Variants in SLC7A1 observed in about 807,000 individuals in gnomAD.
SLC7A1 encodes the protein solute carrier family 7 member 1, also known as high affinity cationic amino acid transporter 1.
Under a neutral mutation model 53.9 loss-of-function variants are expected in SLC7A1, and 10 were observed. That is an observed-to-expected ratio of 0.19 (90% CI 0.11 to 0.31). The LOEUF is 0.31. Ranked by LOEUF, SLC7A1 falls within the 10% of genes least tolerant of loss-of-function variation. SLC7A1 has a pLI of 1.00. For missense variants in SLC7A1, 525 were observed against 827.2 expected (o/e 0.63, Z 4.48); for synonymous variants, 342 against 338.7 (o/e 1.01, Z -0.11).
intron 8 of SLC7A1, among the ~76,000 whole-genome samples, chr13:29,521,231 T>C (rs1416307667): frequency 1.3e-5 from 2 of 152,214 alleles, no homozygotes; most frequent in African/African-American, 2.4e-5. Context: ...TATTATACAA[T>C]ATTAATCCAC....
chr13:29,577,853 C>T (rs1871472420), intron 1 of SLC7A1, among the ~76,000 whole-genome samples: 1 of 152,218 alleles, frequency 6.6e-6, no homozygotes, highest in Non-Finnish European at 1.5e-5. Context: ...TCACCCCAAG[C>T]ACCGCTAGCC....
intron 2 of SLC7A1, among the ~76,000 whole-genome samples, chr13:29,551,001 T>A (rs759391971): frequency 6.6e-6 from 1 of 152,226 alleles, no homozygotes; most frequent in African/African-American, 2.4e-5. Flanking sequence ...AGCTATTTCA[T>A]CTTAATGGAG....
intron 1 of SLC7A1, among the ~76,000 whole-genome samples, chr13:29,563,844 G>C (rs1870862124): frequency 6.6e-6 from 1 of 152,200 alleles, no homozygotes; most frequent in South Asian, 2.1e-4. Flanking sequence ...TTATTAAAAA[G>C]TCCTCCTGTC....
chr13:29,538,639 G>C (rs1425062507), intron 2 of SLC7A1, among the ~76,000 whole-genome samples: 1 of 152,244 alleles, frequency 6.6e-6, no homozygotes, highest in Non-Finnish European at 1.5e-5. Flanking sequence ...TCCTGGAAAT[G>C]CCTTTTTCTT....
intron 11 of SLC7A1, 133 bp downstream of exon 11, chr13:29,517,011 C>T: frequency 1.3e-6 from 1 of 778,154 alleles, no homozygotes; most frequent in Non-Finnish European, 2.0e-6. Flanking sequence ...CCTGCCCCAT[C>T]TTACCTGAAG....
At chr13:29,535,740 G>C in intron 3 of SLC7A1, 79 bp downstream of exon 3, 1 of 1,455,116 alleles carries the variant, frequency 6.9e-7, no homozygotes, top group South Asian at 1.3e-5. Context: ...CCTCCCTGTG[G>C]GGCATCCACC....
chr13:29,523,844 C>T (rs748445466), intron 6 of SLC7A1, among the ~76,000 whole-genome samples: 17 of 152,192 alleles, frequency 1.1e-4, no homozygotes, highest in Non-Finnish European at 2.2e-4. Context: ...TCACTCCTCC[C>T]GGAAGACGCT....
intron 2 of SLC7A1, among the ~76,000 whole-genome samples, chr13:29,553,352 C>A (rs972091829): frequency 1.3e-5 from 2 of 152,150 alleles, no homozygotes; most frequent in African/African-American, 2.4e-5. Flanking sequence ...AGCTGGGTGG[C>A]ACACAGAGCA....
At chr13:29,542,056 A>C (rs1350934707) in intron 2 of SLC7A1, among the ~76,000 whole-genome samples, 1 of 152,264 alleles carries the variant, frequency 6.6e-6, no homozygotes, top group Non-Finnish European at 1.5e-5. Context: ...CATAAAAAAA[A>C]ACACATACAA....
intron 1 of SLC7A1, among the ~76,000 whole-genome samples, chr13:29,593,014 C>T (rs1872171936): frequency 6.6e-6 from 1 of 152,168 alleles, no homozygotes; most frequent in Admixed American, 6.5e-5. Context: ...GCGAGAGGAG[C>T]CAGTAAAGCT....
chr13:29,514,358 G>A lies in SLC7A1; in HGVS notation c.*122C>T. On this transcript the variant is annotated 3_prime_UTR_variant, in exon 13 of 13. Transcript: ENST00000380752. ...TGCAGGTCAAGTAATTGCACCTTTG[G>A]CTGCAGTGAGGGTGTGGACGCAGGT... The A allele has an allele frequency of 1.5e-6, 1 of 670,208 alleles. No homozygotes were observed. The highest frequency in any genetic ancestry group is 2.6e-6 in the Non-Finnish European group (1 of 384,120). The allele number at this position is 670,208 out of a possible 1,614,324, so 41.5% of individuals were successfully genotyped here.
At chr13:29,526,391 G>A (rs558640135) in intron 5 of SLC7A1, among the ~76,000 whole-genome samples, 1 of 152,096 alleles carries the variant, frequency 6.6e-6, no homozygotes, top group Admixed American at 6.5e-5. Flanking sequence ...AGGATTGCTC[G>A]AGCCCAGGAG....
chr13:29,512,141 A>G lies in SLC7A1; in HGVS notation c.*2339T>C, dbSNP rs1883412221. ...GCACAAAAACACTACTCATAAAAGC[A>G]CGGTGACCAGTGAACTATTATGCAA... On this transcript the variant is annotated 3_prime_UTR_variant, in exon 13 of 13. Coordinates refer to ENST00000380752, the MANE Select transcript of SLC7A1 (RefSeq NM_003045.5). 1 of 152,214 alleles carries G rather than the reference A, an allele frequency of 6.6e-6. No homozygotes were observed. 9.4% of individuals were successfully genotyped at this position (152,214 alleles called of 1,614,324 possible). A position where few individuals can be genotyped will look rare whatever the true frequency, so the allele number is the denominator to read the frequency against.
intron 8 of SLC7A1, among the ~76,000 whole-genome samples, chr13:29,520,720 C>T (rs1868598522): frequency 6.6e-6 from 1 of 152,148 alleles, no homozygotes; most frequent in South Asian, 2.1e-4. Flanking sequence ...CTCTCAAGCC[C>T]CTCTAGATCA....
chr13:29,518,504 T>C (rs1040852558), intron 9 of SLC7A1, among the ~76,000 whole-genome samples: 4 of 152,178 alleles, frequency 2.6e-5, no homozygotes, highest in Admixed American at 1.3e-4. Flanking sequence ...AGAGGGAGTA[T>C]AAAGATATTA....
At chr13:29,582,745 G>T (rs1343257539) in intron 1 of SLC7A1, among the ~76,000 whole-genome samples, 1 of 152,198 alleles carries the variant, frequency 6.6e-6, no homozygotes, top group African/African-American at 2.4e-5. Context: ...TGCACGTGTG[G>T]TCTAGACAGT....
intron 1 of SLC7A1, among the ~76,000 whole-genome samples, chr13:29,592,641 G>C (rs1268387273): frequency 6.6e-6 from 1 of 152,204 alleles, no homozygotes; most frequent in Admixed American, 6.5e-5. Flanking sequence ...GTATGGGAGT[G>C]GGGGAGGAGG....
chr13:29,570,713 G>A (rs1296002181), intron 1 of SLC7A1, among the ~76,000 whole-genome samples: 5 of 152,188 alleles, frequency 3.3e-5, no homozygotes, highest in South Asian at 2.1e-4. Context: ...AAAAATTAGC[G>A]AGAGATGGTG....
At chr13:29,514,611 G>T (rs1883500616) in intron 12 of SLC7A1, 28 bp from the exon 13 acceptor site, 2 of 1,544,970 alleles carry the variant, frequency 1.3e-6, no homozygotes, top group African/African-American at 2.7e-5. Context: ...AGACGGGCGT[G>T]AACAGACCGC....
Sources: gnomAD v4.1 joint callset for allele counts (sites outside exome capture counted in the v4.1 genomes callset) on GRCh38, gnomAD v4.1.1 for gene constraint, MANE v1.5 for transcripts, NCBI Gene and HGNC (gene_info 2026-07-23, HGNC 2026-07-21) for gene names.